Variants in EIF3E observed in about 807,000 individuals in gnomAD.
EIF3E encodes eukaryotic translation initiation factor 3 subunit E.
Under a neutral mutation model 59.3 loss-of-function variants are expected in EIF3E, and 25 were observed. The observed-to-expected ratio is 0.42, with a 90% confidence interval of 0.31 to 0.59. The LOEUF (loss-of-function observed/expected upper bound fraction) is 0.59, where lower values mean the gene tolerates loss of function less well. Among genes scored for constraint, EIF3E ranks in the 20% least tolerant of loss-of-function variants. The pLI is 0.15. For synonymous variants in EIF3E, 176 were observed against 170.2 expected, an observed-to-expected ratio of 1.03 and a Z score of -0.26; for missense variants, 317 against 534.3, an observed-to-expected ratio of 0.59 and a Z score of 4.01.
intron 7 of EIF3E, among the ~76,000 whole-genome samples, chr8:108,224,971 C>G (rs1815492750): frequency 1.3e-5 from 2 of 151,452 alleles, no homozygotes. Flanking sequence ...AAACTTCAAC[C>G]CTTAAGTACT....
intron 7 of EIF3E, among the ~76,000 whole-genome samples, chr8:108,221,808 A>ACG (rs1426872184): frequency 6.6e-6 from 1 of 151,152 alleles, no homozygotes; most frequent in Non-Finnish European, 1.5e-5. Flanking sequence ...ACACACACGC[A>ACG]CACACACACA....
intron 8 of EIF3E, 52 bp from the exon 9 acceptor site, chr8:108,216,565 A>T (rs1483720788): frequency 1.6e-6 from 2 of 1,232,928 alleles, no homozygotes; most frequent in Admixed American, 2.0e-5. Context: ...ATTGTTTAGC[A>T]GATTGCCCCA....
chr8:108,226,918 A>G (rs1471783292), intron 7 of EIF3E, among the ~76,000 whole-genome samples: 2 of 152,238 alleles, frequency 1.3e-5, no homozygotes, highest in African/African-American at 4.8e-5. Flanking sequence ...ATGATTTAGA[A>G]TTCTTATTAT....
chr8:108,210,694 C>T (rs1442958397), intron 10 of EIF3E, among the ~76,000 whole-genome samples: 2 of 152,054 alleles, frequency 1.3e-5, no homozygotes, highest in South Asian at 2.1e-4. Context: ...TGTGCTGCAC[C>T]CATTAACTCG....
chr8:108,221,495 GTCAGTTTAGTACTTTGCT>G (rs1815412288), intron 7 of EIF3E: 1 of 152,180 alleles, frequency 6.6e-6, no homozygotes, highest in African/African-American at 2.4e-5. Context: ...TACCTACAGT[GTCAGTTTAGTACTTTGCT>G]TTGTAATTCC....
chr8:108,215,542 C>T (rs1012025431), intron 9 of EIF3E, among the ~76,000 whole-genome samples: 6 of 151,930 alleles, frequency 3.9e-5, no homozygotes, highest in African/African-American at 1.2e-4. Context: ...GGTGTGAACC[C>T]GGGAGGTGGA....
intron 8 of EIF3E, among the ~76,000 whole-genome samples, 193 bp downstream of exon 8, chr8:108,217,141 C>T (rs1815319347): frequency 6.6e-6 from 1 of 152,090 alleles, no homozygotes; most frequent in African/African-American, 2.4e-5. Context: ...CTACCACATC[C>T]AACTTGTGTA....
At position 108,201,426 on chromosome 8, in the gene EIF3E, G is replaced by A. The variant is rs1215970839; in HGVS notation, c.*459C>T. ...GTGGTTCCTAGGGTTAGAGTTGGTT[G>A]GGAGTAGGTATGGCTACAAAAAGGT... On this transcript the variant is annotated 3_prime_UTR_variant, in exon 13 of 13. Coordinates refer to ENST00000220849, the MANE Select transcript of EIF3E (RefSeq NM_001568.3). 1 of 152,046 alleles carries A rather than the reference G, an allele frequency of 6.6e-6. No homozygotes were observed. Among genetic ancestry groups the A allele is most frequent in the Non-Finnish European group, 1.5e-5 (1 of 68,032 alleles). 9.4% of individuals were successfully genotyped at this position (152,046 alleles called of 1,614,324 possible).
intron 12 of EIF3E, among the ~76,000 whole-genome samples, chr8:108,202,517 A>T (rs1365611182): frequency 3.3e-5 from 5 of 152,098 alleles, no homozygotes; most frequent in Admixed American, 2.0e-4. Context: ...ATGGGAGATT[A>T]ATTTTTGATA....
chr8:108,236,766 A>C (rs772960566), intron 3 of EIF3E, among the ~76,000 whole-genome samples: 1 of 152,192 alleles, frequency 6.6e-6, no homozygotes, highest in Non-Finnish European at 1.5e-5. Flanking sequence ...TGATACCTGT[A>C]ATCCCAGCAC....
At chr8:108,210,473 T>C (rs1474957563) in intron 10 of EIF3E, among the ~76,000 whole-genome samples, 1 of 152,196 alleles carries the variant, frequency 6.6e-6, no homozygotes, top group Non-Finnish European at 1.5e-5. Context: ...TCCCGTGTAA[T>C]GTTTAAAGGT....
rs923984415 is a variant in EIF3E, at chr8:108,201,630, A to G, written c.*255T>C. The G allele has an allele frequency of 3.2e-5, 9 of 278,904 alleles. No homozygotes were observed. The highest frequency in any genetic ancestry group is 1.8e-4 in the African/African-American group (8 of 45,132). The allele number at this position is 278,904 out of a possible 1,614,324, so 17.3% of individuals were successfully genotyped here. Reference sequence around the variant, plus strand: ...GAAAAAATTGAGGGAAACAGGGTTCAGCCTACAGGGACTTCTCTGTACTAT... The same window carrying G: ...GAAAAAATTGAGGGAAACAGGGTTCGGCCTACAGGGACTTCTCTGTACTAT... On this transcript the variant is annotated 3_prime_UTR_variant, in exon 13 of 13. Transcript: ENST00000220849.
At chr8:108,238,121 GT>G (rs369104700) in intron 3 of EIF3E, among the ~76,000 whole-genome samples, 19 of 152,238 alleles carry the variant, frequency 1.2e-4, no homozygotes, top group African/African-American at 4.6e-4. Context: ...TTCTGTTGTA[GT>G]CTAACATCTG....
intron 1 of EIF3E, chr8:108,242,724 C>A: frequency 1.0e-6 from 1 of 991,800 alleles, no homozygotes; most frequent in African/African-American, 1.7e-5. Context: ...ACAGACCTTG[C>A]AATTGAAATG....
In EIF3E at chr8:108,242,064, G is replaced by A. The variant is rs1815848639; in HGVS notation, c.91-151C>T. The A allele has an allele frequency of 3.0e-6, 4 of 1,330,890 alleles. No individual in the cohort carries two copies. The African/African-American group carries it at 4.4e-5, about 15-fold the overall frequency. The allele number at this position is 1,330,890 out of a possible 1,614,324, so 82.4% of individuals were successfully genotyped here. ...CATTCCCCTCTTGTAATAATGGCAAGCAATATGGCAAGCAACCAACCTATA... is the reference window on the plus strand; with the variant it reads ...CATTCCCCTCTTGTAATAATGGCAAACAATATGGCAAGCAACCAACCTATA... On this transcript the variant is annotated intron_variant, in intron 1 of 12. Transcript: ENST00000220849.
At chr8:108,230,862 A>G (rs11992501) in intron 5 of EIF3E, among the ~76,000 whole-genome samples, 3,583 of 152,280 alleles carry the variant, frequency 0.024, 129 homozygotes, top group African/African-American at 0.074. Flanking sequence ...CTTCTGATAC[A>G]CACAATAACA....
At chr8:108,203,996 A>G (rs891619683) in intron 10 of EIF3E, among the ~76,000 whole-genome samples, 3 of 152,102 alleles carry the variant, frequency 2.0e-5, no homozygotes, top group African/African-American at 4.8e-5. Context: ...TATAACACCT[A>G]TTTACATAGC....
chr8:108,203,194 C>A, intron 11 of EIF3E, 77 bp from the exon 12 acceptor site: 1 of 1,524,484 alleles, frequency 6.6e-7, no homozygotes, highest in Non-Finnish European at 8.9e-7. Flanking sequence ...GCATGACATA[C>A]CTTTGCGCAT....
At chr8:108,239,680 T>A (rs1341649466) in intron 3 of EIF3E, among the ~76,000 whole-genome samples, 3 of 152,002 alleles carry the variant, frequency 2.0e-5, no homozygotes, top group Non-Finnish European at 4.4e-5. Context: ...TTGCCAAATG[T>A]CCCCAGGAAG....
Sources: allele counts gnomAD v4.1 joint callset (sites outside exome capture counted in the v4.1 genomes callset), GRCh38; gene constraint gnomAD v4.1.1; transcripts MANE v1.5; gene names NCBI Gene and HGNC (gene_info 2026-07-23, HGNC 2026-07-21).